Variants in CHM observed in about 807,000 individuals in gnomAD.
CHM encodes the protein CHM Rab escort protein.
A neutral mutation model predicts 49.0 loss-of-function variants in CHM; 10 were observed. The ratio of observed to expected loss-of-function variants is 0.20; its 90% CI spans 0.13 to 0.35. The LOEUF (loss-of-function observed/expected upper bound fraction) is 0.35, where lower values mean the gene tolerates loss of function less well. Ranked by LOEUF, CHM falls within the 10% of genes least tolerant of loss-of-function variation. The pLI, the probability that CHM is intolerant of heterozygous loss-of-function variation, is 1.00. For missense variants in CHM, 455 were observed against 478.4 expected (o/e 0.95, Z 0.46); for synonymous variants, 184 against 167.5 (o/e 1.10, Z -0.76).
chrX:86,040,243 C>T (rs1934407903), intron 1 of CHM, among the ~76,000 whole-genome samples: 1 of 112,388 alleles, frequency 8.9e-6, no homozygotes, highest in African/African-American at 3.2e-5. Flanking sequence ...GATGCTACCA[C>T]AGGGCCAGCA....
At chrX:85,881,856 GAC>G (rs1924782037) in intron 12 of CHM, among the ~76,000 whole-genome samples, 2 of 111,862 alleles carry the variant, frequency 1.8e-5, no homozygotes, top group Non-Finnish European at 3.8e-5. Context: ...ATATATTTAT[GAC>G]AGTTAGATTA....
intron 2 of CHM, among the ~76,000 whole-genome samples, chrX:86,026,102 C>CTTTTTTTTTTTTTTTTTTTTTTTT (rs1167691945): frequency 7.5e-5 from 2 of 26,761 alleles, no homozygotes; most frequent in Admixed American, 4.7e-4. Context: ...AGCAGATTTT[C>CTTTTTTTTTTTTTTTTTTTTTTTT]TTTTTTTTTT....
chrX:85,892,411 C>A (rs1177543005), intron 12 of CHM, among the ~76,000 whole-genome samples: 1 of 109,709 alleles, frequency 9.1e-6, no homozygotes, highest in Non-Finnish European at 1.9e-5. Flanking sequence ...GGGGGCCGGT[C>A]TTTCTTGTGC....
chrX:85,926,098 C>T (rs1363118464), intron 8 of CHM, among the ~76,000 whole-genome samples: 6 of 110,221 alleles, frequency 5.4e-5, no homozygotes, highest in Admixed American at 2.9e-4. Context: ...ACGATGCTGA[C>T]TCTTAAATCA....
chrX:85,976,191 A>G (rs915153591), intron 4 of CHM, among the ~76,000 whole-genome samples: 2 of 111,971 alleles, frequency 1.8e-5, no homozygotes, highest in Admixed American at 9.5e-5. Context: ...GTTACACTGT[A>G]CTATAATATA....
At position 85,864,532 on chromosome X, in the gene CHM, T is replaced by C; in HGVS notation, c.*98A>G. The C allele has an allele frequency of 1.3e-6, 1 of 762,857 alleles. No homozygotes were observed. The highest frequency in any genetic ancestry group is 2.0e-6 in the Non-Finnish European group (1 of 504,266). The allele number at this position is 762,857 out of a possible 1,213,427, so 62.9% of individuals were successfully genotyped here. ...ATTACCTATTTTGCCTTATAATTGC[T>C]GCTGCTTTCTAACATTTCTCAAACA... On this transcript the variant is annotated 3_prime_UTR_variant, in exon 15 of 15. Transcript: ENST00000357749.
rs1009715731 is a variant in CHM at position 85,956,170 on chromosome X, G to A, written c.1149C>T (p.Leu383=). 8 of 1,207,860 alleles carry A rather than the reference G, an allele frequency of 6.6e-6. No individual in the cohort carries two copies. The highest frequency in any genetic ancestry group is 9.0e-6 in the Non-Finnish European group (8 of 893,612). The part of the protein sequence containing the change: ...FLFPLYGQGE[L]PQCFCRMCAV... ...AAACTTACCTGCAGAAACACTGGGG[G>A]AGTTCTCCTTGGCCATATAAAGGAA... Residue 383 remains leucine (L), a synonymous_variant, in exon 8 of 15, where the codon CTC becomes CTT. Transcript: ENST00000357749.
chrX:85,922,020 A>C (rs987880451), intron 8 of CHM, among the ~76,000 whole-genome samples: 55 of 112,195 alleles, frequency 4.9e-4, no homozygotes, highest in African/African-American at 1.7e-3. Context: ...ACACATGTGC[A>C]TGTGGTATTT....
At chrX:85,975,386 A>C (rs1279312502) in intron 4 of CHM, among the ~76,000 whole-genome samples, 1 of 112,348 alleles carries the variant, frequency 8.9e-6, no homozygotes, top group Non-Finnish European at 1.9e-5. Flanking sequence ...AATAGCAAAA[A>C]CTAGAAACAG....
intron 12 of CHM, among the ~76,000 whole-genome samples, chrX:85,893,355 G>C (rs1325322017): frequency 9.0e-6 from 1 of 111,573 alleles, no homozygotes; most frequent in Non-Finnish European, 1.9e-5. Context: ...ACAAATAAGT[G>C]AAAGAGCAGG....
At chrX:85,897,619 G>A (rs769691077) in intron 11 of CHM, among the ~76,000 whole-genome samples, 1 of 110,242 alleles carries the variant, frequency 9.1e-6, no homozygotes, top group Non-Finnish European at 1.9e-5. Context: ...AGGTTGAGAG[G>A]AGCAGGGGAT....
rs758845719 is a variant in CHM at position 85,948,299 on chromosome X, T to C, written c.1166+7854A>G. On this transcript the variant is annotated intron_variant, in intron 8 of 14. Coordinates refer to ENST00000357749, the MANE Select transcript of CHM (RefSeq NM_000390.4). ...TTTTAAAGTCTATAAACTGCATATATATCCTGTGCAATGTGCCAGAAAATG... is the reference window on the plus strand; with the variant it reads ...TTTTAAAGTCTATAAACTGCATATACATCCTGTGCAATGTGCCAGAAAATG... Among the ~76,000 whole-genome samples, 3 of 112,222 alleles carry C rather than the reference T, an allele frequency of 2.7e-5. No individual in the cohort carries two copies. The East Asian group carries it at 8.4e-4, about 31-fold the overall frequency.
At chrX:85,953,185 T>C (rs1012949233) in intron 8 of CHM, among the ~76,000 whole-genome samples, 2 of 111,603 alleles carry the variant, frequency 1.8e-5, no homozygotes, top group African/African-American at 6.5e-5. Context: ...TACCCACAAA[T>C]GCAATTAAAT....
chrX:85,936,944 A>G (rs1928811743), intron 8 of CHM, among the ~76,000 whole-genome samples: 2 of 111,774 alleles, frequency 1.8e-5, no homozygotes, highest in Admixed American at 1.9e-4. Context: ...GAGATGGGTC[A>G]AGAATTATCT....
chrX:85,879,685 T>C (rs187518288), intron 12 of CHM, among the ~76,000 whole-genome samples: 16 of 111,598 alleles, frequency 1.4e-4, no homozygotes, highest in African/African-American at 5.2e-4. Context: ...TATTGTAGCC[T>C]AACTCCGTTA....
intron 2 of CHM, among the ~76,000 whole-genome samples, chrX:85,998,974 A>G (rs779898822): frequency 9.0e-6 from 1 of 111,431 alleles, no homozygotes; most frequent in African/African-American, 3.3e-5. Flanking sequence ...GTATATTTTT[A>G]TAATTACAGA....
intron 8 of CHM, among the ~76,000 whole-genome samples, chrX:85,941,063 T>C (rs1389701718): frequency 8.9e-6 from 1 of 112,012 alleles, no homozygotes; most frequent in Non-Finnish European, 1.9e-5. Context: ...ACATCCACTA[T>C]ACCTAGAAGA....
chrX:85,872,997 T>C, intron 14 of CHM, 55 bp downstream of exon 14: 1 of 1,123,423 alleles, frequency 8.9e-7, no homozygotes, highest in Non-Finnish European at 1.2e-6. Flanking sequence ...GGAAAAAATA[T>C]TTCCCAACCA....
At chrX:85,967,967 T>C (rs1042739247) in intron 4 of CHM, among the ~76,000 whole-genome samples, 1 of 111,197 alleles carries the variant, frequency 9.0e-6, no homozygotes, top group Middle Eastern at 4.7e-3. Flanking sequence ...GAGGAACAGG[T>C]GTTTAATTTA....
Sources: gnomAD v4.1 joint callset for allele counts (sites outside exome capture counted in the v4.1 genomes callset) on GRCh38, gnomAD v4.1.1 for gene constraint, MANE v1.5 for transcripts, NCBI Gene and HGNC (gene_info 2026-07-23, HGNC 2026-07-21) for gene names.